Variants in MICAL2 observed in about 807,000 individuals in gnomAD.
MICAL2 encodes [F-actin]-monooxygenase MICAL2.
In MICAL2, 77 loss-of-function variants were observed where a neutral mutation model predicts 127.3. That is an observed-to-expected ratio of 0.60 (90% CI 0.50 to 0.73). The LOEUF is 0.73. Among genes scored for constraint, MICAL2 ranks in the 30% least tolerant of loss-of-function variants. The pLI is 0.00. For synonymous variants in MICAL2, 570 were observed against 551.1 expected, an observed-to-expected ratio of 1.03 and a Z score of -0.48; for missense variants, 1,351 against 1,434.4, an observed-to-expected ratio of 0.94 and a Z score of 0.94.
intron 32 of MICAL2, among the ~76,000 whole-genome samples, chr11:12,329,626 C>A (rs1162382107): frequency 6.6e-6 from 1 of 151,998 alleles, no homozygotes; most frequent in Non-Finnish European, 1.5e-5. Flanking sequence ...ATAATAATCC[C>A]CATATTATCA....
intron 6 of MICAL2, among the ~76,000 whole-genome samples, chr11:12,210,519 T>A (rs1431291878): frequency 1.3e-5 from 2 of 152,218 alleles, no homozygotes; most frequent in Non-Finnish European, 2.9e-5. Context: ...CCTTCCCATC[T>A]GCCACATAAC....
At position 12,216,226 on chromosome 11, in the gene MICAL2, T is replaced by A. The variant is rs769391626; in HGVS notation, c.855T>A (p.Asp285Glu). 1.9e-6 allele frequency: 3 copies of A among 1,611,964 alleles called. No individual in the cohort carries two copies. The South Asian group carries it at 3.3e-5, about 18-fold the overall frequency. The change falls in exon 8 of 28, where the codon GAT becomes GAA. Residue 285 changes from aspartate to glutamate, a missense_variant. Transcript: ENST00000683283. ...FQDLKEETGI[D>E]LENIVYYKDC... is the part of the protein sequence containing the mutation. ...GAATGCTTCTCTTTTCAGGCATAGA[T>A]CTTGAGAACATTGTTTACTACAAGG...
intron 33 of MICAL2, among the ~76,000 whole-genome samples, chr11:12,352,046 C>T (rs1439093620): frequency 6.6e-6 from 1 of 152,138 alleles, no homozygotes; most frequent in Non-Finnish European, 1.5e-5. Context: ...CCTCGGCCTC[C>T]CAAAGTGCTG....
chr11:12,110,832 G>A lies in MICAL2; in HGVS notation c.-149+106G>A, dbSNP rs1387225497. 3.3e-5 allele frequency: 5 copies of A among 152,300 alleles called. No homozygotes were observed. The highest frequency in any genetic ancestry group is 4.4e-5 in the Non-Finnish European group (3 of 68,034). The allele number at this position is 152,300 out of a possible 1,614,324, so 9.4% of individuals were successfully genotyped here. A position where few individuals can be genotyped will look rare whatever the true frequency, so the allele number is the denominator to read the frequency against. On this transcript the variant is annotated intron_variant, in intron 1 of 27. Coordinates refer to ENST00000683283, the MANE Select transcript of MICAL2 (RefSeq NM_001282663.2). The surrounding 1 kb of genome is among the most constrained non-coding windows in gnomAD (Gnocchi z 4.5). Reference sequence around the variant, plus strand: ...CTGCGCCGTGTCCAACGCCCGGGAGGGTCAGGTGCGGCCGCAGCATCCCCC... The same window carrying A: ...CTGCGCCGTGTCCAACGCCCGGGAGAGTCAGGTGCGGCCGCAGCATCCCCC...
chr11:12,140,618 T>G (rs1590046754), intron 2 of MICAL2, among the ~76,000 whole-genome samples: 1 of 152,096 alleles, frequency 6.6e-6, no homozygotes, highest in Admixed American at 6.5e-5. Context: ...TGAGCTCTCT[T>G]CTCACCCAGC....
At chr11:12,278,826 G>A (rs1028391163) in intron 1 of MICAL2, among the ~76,000 whole-genome samples, 24 of 152,180 alleles carry the variant, frequency 1.6e-4, no homozygotes, top group African/African-American at 5.6e-4. Context: ...TCTTGAGGTG[G>A]GGAAGATTTC....
downstream of MICAL2, chr11:12,293,778 C>T: frequency 6.2e-7 from 1 of 1,613,228 alleles, no homozygotes. Context: ...GAGTGCCAGC[C>T]AGCAGAGGCC....
At chr11:12,302,406 C>T (rs1021917234) in intron 29 of MICAL2, among the ~76,000 whole-genome samples, 6 of 152,180 alleles carry the variant, frequency 3.9e-5, no homozygotes, top group African/African-American at 1.4e-4. Flanking sequence ...CCTTGCTCCA[C>T]ATCCTTGCCA....
intron 29 of MICAL2, chr11:12,319,592 A>G: frequency 2.5e-6 from 2 of 795,172 alleles, no homozygotes; most frequent in Admixed American, 2.1e-5. Context: ...GAGGGCAGGG[A>G]GGAAGGGAAT....
At chr11:12,255,556 C>A in intron 22 of MICAL2, 87 bp from the exon 23 acceptor site, 1 of 1,178,400 alleles carries the variant, frequency 8.5e-7, no homozygotes, top group Non-Finnish European at 1.2e-6. Flanking sequence ...GGAGCCCTCT[C>A]CCCATCCATC....
At chr11:12,261,390 G>C in intron 26 of MICAL2, 2 of 985,490 alleles carry the variant, frequency 2.0e-6, no homozygotes, top group Non-Finnish European at 2.4e-6. Flanking sequence ...GCATGAGTAA[G>C]GGTAAAAATG....
rs1024249698 is a variant in MICAL2 at position 12,261,931 on chromosome 11, G to A, written c.3335-549G>A. 9 of 987,172 alleles carry A rather than the reference G, an allele frequency of 9.1e-6. No individual in the cohort carries two copies. In the African/African-American group the frequency reaches 1.6e-4, roughly 17 times the overall value. The allele number at this position is 987,172 out of a possible 1,614,324, so 61.2% of individuals were successfully genotyped here. On this transcript the variant is annotated intron_variant, in intron 26 of 27. Coordinates refer to ENST00000683283, the MANE Select transcript of MICAL2 (RefSeq NM_001282663.2). ...AATTTTTGAGGTCATGATGTGAACG[G>A]CCATGTTATTGTGATTATCTTCAGC...
At chr11:12,359,532 A>C (rs973441413), downstream of MICAL2, among the ~76,000 whole-genome samples, 2 of 152,136 alleles carry the variant, frequency 1.3e-5, no homozygotes, top group Non-Finnish European at 2.9e-5. Flanking sequence ...ACCACTTCTG[A>C]CTTAGAGGGA....
chr11:12,223,406 C>T lies in MICAL2; in HGVS notation c.1450-5C>T. On this transcript the variant is annotated splice_polypyrimidine_tract_variant and splice_region_variant and intron_variant, in intron 11 of 27. Transcript: ENST00000683283. ...GGTGGGCAAGCATGTCTCTCTTGCT[C>T]ATAGGTGAAGCATTTGTATATCACT... is the stretch of plus-strand genomic sequence containing the variant. The T allele has an allele frequency of 1.2e-6, 2 of 1,612,960 alleles. No individual in the cohort carries two copies. Among genetic ancestry groups the T allele is most frequent in the Middle Eastern group, 1.7e-4 (1 of 6,052 alleles).
chr11:12,159,938 G>C (rs1590121396), intron 2 of MICAL2, among the ~76,000 whole-genome samples: 1 of 152,190 alleles, frequency 6.6e-6, no homozygotes, highest in Admixed American at 6.5e-5. Context: ...GCAGGGCACA[G>C]AGCCCCCTTC....
chr11:12,167,603 T>A (rs115128378), intron 3 of MICAL2, among the ~76,000 whole-genome samples: 3,768 of 152,284 alleles, frequency 0.025, 139 homozygotes, highest in African/African-American at 0.082. Context: ...CCACTTTGCC[T>A]GATACGGGCA....
chr11:12,212,320 A>T (rs1024947348), intron 6 of MICAL2, among the ~76,000 whole-genome samples: 1 of 152,196 alleles, frequency 6.6e-6, no homozygotes, highest in African/African-American at 2.4e-5. Context: ...CACTTAAAAA[A>T]AAATAAATAA....
downstream of MICAL2, among the ~76,000 whole-genome samples, chr11:12,361,086 G>A (rs1939198499): frequency 6.6e-6 from 1 of 152,196 alleles, no homozygotes; most frequent in Non-Finnish European, 1.5e-5. Flanking sequence ...AAGGGCACTA[G>A]TGAATGTGAT....
At chr11:12,160,725 T>A (rs1267995018) in intron 2 of MICAL2, among the ~76,000 whole-genome samples, 4 of 152,236 alleles carry the variant, frequency 2.6e-5, no homozygotes, top group Admixed American at 2.6e-4. Flanking sequence ...TGGGCTTCCA[T>A]GCCCTTGGTT....
Sources: allele counts gnomAD v4.1 joint callset (sites outside exome capture counted in the v4.1 genomes callset), GRCh38; gene constraint gnomAD v4.1.1; non-coding constraint Gnocchi (gnomAD v3.1); transcripts MANE v1.5; gene names NCBI Gene and HGNC (gene_info 2026-07-23, HGNC 2026-07-21).